The following ADAMTS9 variants were observed in gnomAD, a reference collection of about 807,000 sequenced individuals.
ADAMTS9 encodes ADAM metallopeptidase with thrombospondin type 1 motif 9.
Under a neutral mutation model 257.1 loss-of-function variants are expected in ADAMTS9, and 107 were observed. The observed-to-expected ratio is 0.42, with a 90% confidence interval of 0.36 to 0.49. The LOEUF (loss-of-function observed/expected upper bound fraction) is 0.49. ADAMTS9 is among the 20% of genes least tolerant of loss of function. ADAMTS9 has a pLI of 0.03. For synonymous variants in ADAMTS9, 982 were observed against 880.9 expected (o/e 1.11, Z -2.03); for missense variants, 2,353 against 2,469.1 (o/e 0.95, Z 1.00).
At position 64,687,730 on chromosome 3, in the gene ADAMTS9, G is replaced by C; in HGVS notation, c.-73C>G. On this transcript the variant is annotated 5_prime_UTR_variant, in exon 1 of 40. Transcript: ENST00000498707. This position sits in a 1 kb window ranked among gnomAD's most constrained non-coding sequence, Gnocchi z 4.4. ...CCCTCCTTGGCTGCGGCGGCGACGC[G>C]AGGCAGCGGCCGTGGAGAGCGCGCG... 1 of 1,243,478 alleles carries C rather than the reference G, an allele frequency of 8.0e-7. No individual in the cohort carries two copies. The highest frequency in any genetic ancestry group is 1.1e-6 in the Non-Finnish European group (1 of 923,692). The allele number at this position is 1,243,478 out of a possible 1,614,324, so 77.0% of individuals were successfully genotyped here.
At chr3:64,526,046 C>T (rs1249628968) in intron 38 of ADAMTS9, among the ~76,000 whole-genome samples, 1 of 143,246 alleles carries the variant, frequency 7.0e-6, no homozygotes, top group African/African-American at 2.6e-5. Context: ...GTATTATAAT[C>T]TTATGTGTGA....
chr3:64,546,824 A>G lies in ADAMTS9; in HGVS notation c.4998T>C (p.Ser1666=), dbSNP rs1396143604. 3.7e-6 allele frequency: 6 copies of G among 1,614,072 alleles called. No homozygotes were observed. Among genetic ancestry groups the G allele is most frequent in the Non-Finnish European group, 5.1e-6 (6 of 1,179,972 alleles). ...AGTCCCTCAGGTAACAGGGGTGAAC[A>G]CTGGGGGGCTGCGTGCCTGGGCAGT... ...TINCPGTQPP[S]VHPCYLRDCP... The change falls in exon 32 of 40, where the codon AGT becomes AGC. Residue 1666 remains serine, a synonymous_variant. Transcript: ENST00000498707.
At chr3:64,638,478 G>A (rs1700555515) in intron 12 of ADAMTS9, among the ~76,000 whole-genome samples, 1 of 152,142 alleles carries the variant, frequency 6.6e-6, no homozygotes, top group South Asian at 2.1e-4. Flanking sequence ...AATCAAGAAC[G>A]TTCTGAGAGT....
chr3:64,594,280 C>CA lies in ADAMTS9; in HGVS notation c.4333dup (p.Trp1445LeufsTer18). Reference sequence around the variant, plus strand: ...TACCGAGCTCCAAGGGCCAGTACTCCATGCAGCGTCGTGTGGACAAGCATG... The same window carrying CA: ...TACCGAGCTCCAAGGGCCAGTACTCCAATGCAGCGTCGTGTGGACAAGCATG... On this transcript the variant is annotated frameshift_variant, in exon 28 of 40. Coordinates refer to ENST00000498707, the MANE Select transcript of ADAMTS9 (RefSeq NM_182920.2). LOFTEE classifies it high-confidence loss of function. 6.2e-7 allele frequency: 1 copy of CA among 1,613,848 alleles called. No individual in the cohort carries two copies. Among genetic ancestry groups the CA allele is most frequent in the Non-Finnish European group, 8.5e-7 (1 of 1,179,852 alleles).
chr3:64,536,263 C>T (rs1422163479), intron 37 of ADAMTS9, among the ~76,000 whole-genome samples: 3 of 152,204 alleles, frequency 2.0e-5, no homozygotes, highest in East Asian at 1.9e-4. Context: ...ATTGTTAGCA[C>T]TCTGAAAGTT....
chr3:64,636,162 A>C (rs1700490120), intron 12 of ADAMTS9, among the ~76,000 whole-genome samples: 1 of 152,212 alleles, frequency 6.6e-6, no homozygotes, highest in South Asian at 2.1e-4. Flanking sequence ...TTCGGACTGC[A>C]AATAGTTATT....
intron 16 of ADAMTS9, among the ~76,000 whole-genome samples, chr3:64,625,035 T>C (rs1700193836): frequency 6.6e-6 from 1 of 152,148 alleles, no homozygotes; most frequent in Non-Finnish European, 1.5e-5. Flanking sequence ...CTGTAATTTG[T>C]GCAAGAGTAG....
At chr3:64,578,640 C>T (rs2083918244) in intron 28 of ADAMTS9, among the ~76,000 whole-genome samples, 1 of 152,190 alleles carries the variant, frequency 6.6e-6, no homozygotes, top group Non-Finnish European at 1.5e-5. Flanking sequence ...ATGACGCCTA[C>T]ACATCTCAAA....
chr3:64,637,853 A>G (rs1406580549), intron 12 of ADAMTS9, among the ~76,000 whole-genome samples: 2 of 152,196 alleles, frequency 1.3e-5, no homozygotes, highest in African/African-American at 4.8e-5. Flanking sequence ...CAAATGGGGC[A>G]GTCTATGAAA....
chr3:64,642,031 G>T (rs886184690), intron 11 of ADAMTS9, 38 bp from the exon 12 acceptor site: 1 of 1,610,472 alleles, frequency 6.2e-7, no homozygotes, highest in Non-Finnish European at 8.5e-7. Context: ...GAGACTTGGC[G>T]CTGTGAGTTG....
chr3:64,663,449 C>A (rs1206364226), intron 3 of ADAMTS9, among the ~76,000 whole-genome samples: 2 of 144,536 alleles, frequency 1.4e-5, no homozygotes, highest in Non-Finnish European at 3.0e-5. Flanking sequence ...TTTTTTTGAC[C>A]ACTAAGGGGA....
Position 64,539,254 on chromosome 3 carries a change from G to A in ADAMTS9, c.5562C>T (p.Pro1854=), listed in dbSNP as rs141665428. ...AATCCCCGGCTGTGGCAAAAGGGAC[G>A]GGATGTCCTTCGCTTGTCCTTGCAA... ...LQFARTSEGH[P]VPFATAGDCY... The change falls in exon 37 of 40, where the codon CCC becomes CCT. Residue 1854 remains proline, a synonymous_variant. Coordinates refer to ENST00000498707, the MANE Select transcript of ADAMTS9 (RefSeq NM_182920.2). The A allele has an allele frequency of 9.9e-6, 16 of 1,613,976 alleles. No individual in the cohort carries two copies. The highest frequency in any genetic ancestry group is 2.2e-5 in the South Asian group (2 of 91,086).
chr3:64,557,248 G>T (rs931555805), intron 30 of ADAMTS9, among the ~76,000 whole-genome samples: 8 of 152,154 alleles, frequency 5.3e-5, no homozygotes, highest in African/African-American at 1.9e-4. Flanking sequence ...AGGGGGAAAA[G>T]AACACATGCA....
intron 16 of ADAMTS9, 59 bp downstream of exon 16, chr3:64,631,396 G>T (rs1437279567): frequency 3.0e-6 from 4 of 1,338,286 alleles, no homozygotes; most frequent in Non-Finnish European, 4.3e-6. Context: ...GAAGGAAGCA[G>T]TATCTGGCCA....
intron 19 of ADAMTS9, among the ~76,000 whole-genome samples, chr3:64,620,582 G>A (rs767000678): frequency 3.9e-5 from 6 of 152,026 alleles, no homozygotes; most frequent in Non-Finnish European, 5.9e-5. Context: ...TTCCTGCCTC[G>A]GATTTTACAC....
At chr3:64,634,007 G>A (rs1416867465) in intron 12 of ADAMTS9, 128 bp from the exon 13 acceptor site, 2 of 828,344 alleles carry the variant, frequency 2.4e-6, no homozygotes, top group South Asian at 1.8e-5. Flanking sequence ...ACAGAGGAAT[G>A]GGCAAGAGCT....
chr3:64,662,260 A>G (rs921157424), intron 3 of ADAMTS9, among the ~76,000 whole-genome samples: 28 of 152,024 alleles, frequency 1.8e-4, no homozygotes, highest in Non-Finnish European at 3.7e-4. Context: ...TTACATTGTG[A>G]TCAGCAAATA....
intron 6 of ADAMTS9, among the ~76,000 whole-genome samples, chr3:64,655,242 T>A (rs1291678584): frequency 6.6e-6 from 1 of 152,072 alleles, no homozygotes; most frequent in Non-Finnish European, 1.5e-5. Flanking sequence ...TATTTTCAGG[T>A]CTGCCTAACA....
chr3:64,530,782 A>AT (rs530175058), intron 38 of ADAMTS9, among the ~76,000 whole-genome samples: 94 of 152,184 alleles, frequency 6.2e-4, no homozygotes, highest in Middle Eastern at 3.4e-3. Flanking sequence ...TTATTTACTT[A>AT]TTTTTTTAAC....
Sources: gnomAD v4.1 joint callset for allele counts (sites outside exome capture counted in the v4.1 genomes callset) on GRCh38, gnomAD v4.1.1 for gene constraint, Gnocchi (gnomAD v3.1) non-coding constraint, MANE v1.5 for transcripts, NCBI Gene and HGNC (gene_info 2026-07-23, HGNC 2026-07-21) for gene names.